The following KIRREL3 variants were observed in gnomAD, a reference collection of about 807,000 sequenced individuals.
KIRREL3 encodes kirre like nephrin family adhesion molecule 3.
Under a neutral mutation model 89.7 loss-of-function variants are expected in KIRREL3, and 36 were observed. The ratio of observed to expected loss-of-function variants is 0.40; its 90% CI spans 0.31 to 0.53. KIRREL3 has a LOEUF of 0.53. Ranked by LOEUF, KIRREL3 falls within the 20% of genes least tolerant of loss-of-function variation. The probability of loss-of-function intolerance (pLI) is 0.49; values close to 1 mark genes in which losing one functional copy is unlikely to be tolerated. For synonymous variants in KIRREL3, 445 were observed against 441.4 expected, an observed-to-expected ratio of 1.01 and a Z score of -0.10; for missense variants, 864 against 1,056.6, an observed-to-expected ratio of 0.82 and a Z score of 2.53.
chr11:126,826,875 G>C (rs558984937), intron 1 of KIRREL3, among the ~76,000 whole-genome samples: 3 of 152,188 alleles, frequency 2.0e-5, no homozygotes, highest in Non-Finnish European at 2.9e-5. Context: ...TTTAATTTCT[G>C]ACTCTAGAGT....
chr11:126,451,933 C>G (rs371660250), intron 7 of KIRREL3, among the ~76,000 whole-genome samples: 5 of 152,148 alleles, frequency 3.3e-5, no homozygotes, highest in Non-Finnish European at 5.9e-5. Flanking sequence ...ACCCCACAGC[C>G]ACTGCTCCCT....
chr11:126,464,560 A>G (rs77230366), intron 5 of KIRREL3, among the ~76,000 whole-genome samples: 2 of 116,408 alleles, frequency 1.7e-5, no homozygotes, highest in Admixed American at 8.7e-5. Context: ...AAAGAAAAAG[A>G]AGAAGGAGAA....
rs1795706547 is a variant in KIRREL3 at position 126,987,401 on chromosome 11, T to C, written c.55+13054A>G. Among the ~76,000 whole-genome samples, 1 of 152,234 alleles carries C rather than the reference T, an allele frequency of 6.6e-6. No individual in the cohort carries two copies. Among genetic ancestry groups the C allele is most frequent in the African/African-American group, 2.4e-5 (1 of 41,466 alleles). ...ATGGCATGGATCTTAGAATATCTGTTGATAATAAGAGTGAAAGGTAGATTT... is the reference window on the plus strand; with the variant it reads ...ATGGCATGGATCTTAGAATATCTGTCGATAATAAGAGTGAAAGGTAGATTT... On this transcript the variant is annotated intron_variant, in intron 1 of 16. Transcript: ENST00000525144. This position sits in a 1 kb window ranked among gnomAD's most constrained non-coding sequence, Gnocchi z 4.6.
intron 1 of KIRREL3, among the ~76,000 whole-genome samples, chr11:126,894,571 GGA>G (rs1946070041): frequency 2.5e-5 from 2 of 78,948 alleles, no homozygotes; most frequent in African/African-American, 5.0e-5. Context: ...AAAAAAAAAA[GGA>G]AAAGAAAGAA....
At chr11:126,438,227 T>C (rs959634441) in intron 11 of KIRREL3, among the ~76,000 whole-genome samples, 8 of 152,250 alleles carry the variant, frequency 5.3e-5, no homozygotes, top group Admixed American at 3.9e-4. Context: ...TATGTCTGTG[T>C]GAGAAATGTG....
rs1163941279 is a variant in KIRREL3 at position 126,924,014 on chromosome 11, C to T, written c.55+76441G>A. Among the ~76,000 whole-genome samples, 3 of 152,208 alleles carry T rather than the reference C, an allele frequency of 2.0e-5. No homozygotes were observed. The highest frequency in any genetic ancestry group is 7.2e-5 in the African/African-American group (3 of 41,462). On this transcript the variant is annotated intron_variant, in intron 1 of 16. Transcript: ENST00000525144. This position sits in a 1 kb window ranked among gnomAD's most constrained non-coding sequence, Gnocchi z 4.7. The stretch of plus-strand genomic sequence containing the variant: ...GCTAGAGCATCATCCAAGGCTTCCC[C>T]ATTTCCCTTAGCCCCTATGACCAGT...
At chr11:126,851,555 C>T (rs569470427) in intron 1 of KIRREL3, among the ~76,000 whole-genome samples, 2 of 152,294 alleles carry the variant, frequency 1.3e-5, no homozygotes, top group Admixed American at 6.5e-5. Context: ...CGCCACACAG[C>T]GTGTTTCAGA....
intron 12 of KIRREL3, among the ~76,000 whole-genome samples, chr11:126,435,833 G>C (rs1334099691): frequency 6.6e-6 from 1 of 152,138 alleles, no homozygotes; most frequent in Non-Finnish European, 1.5e-5. Context: ...CCTGCGAATG[G>C]ACCTTTACCT....
intron 1 of KIRREL3, among the ~76,000 whole-genome samples, chr11:126,853,357 T>G (rs1366532442): frequency 6.6e-6 from 1 of 152,240 alleles, no homozygotes; most frequent in Non-Finnish European, 1.5e-5. Flanking sequence ...TGGAGTTATC[T>G]TGTGGCCATA....
Position 126,564,461 on chromosome 11 carries a change from C to T in KIRREL3, c.56-1549G>A, listed in dbSNP as rs1369560506. On this transcript the variant is annotated intron_variant, in intron 1 of 16. Coordinates refer to ENST00000525144, the MANE Select transcript of KIRREL3 (RefSeq NM_032531.4). This position sits in a 1 kb window ranked among gnomAD's most constrained non-coding sequence, Gnocchi z 7.4. ...GGTCCCTGGCTTTGATCTCCTGATT[C>T]TTTAAAGGGGTTTATTGACTATCAG... is the stretch of plus-strand genomic sequence containing the variant. 6.6e-6 allele frequency among the ~76,000 whole-genome samples: 1 copy of T among 152,132 alleles called. No individual in the cohort carries two copies. The highest frequency in any genetic ancestry group is 1.5e-5 in the Non-Finnish European group (1 of 68,028).
chr11:126,464,402 G>A (rs955966932), intron 5 of KIRREL3, among the ~76,000 whole-genome samples: 2 of 151,126 alleles, frequency 1.3e-5, no homozygotes, highest in Non-Finnish European at 2.9e-5. Context: ...ATGGTGGCTT[G>A]TGCCTGTAGT....
In KIRREL3 at chr11:126,522,524, C is replaced by G. The variant is rs1358958090; in HGVS notation, c.284-1060G>C. Among the ~76,000 whole-genome samples, 1 of 152,124 alleles carries G rather than the reference C, an allele frequency of 6.6e-6. No individual in the cohort carries two copies. The highest frequency in any genetic ancestry group is 2.1e-4 in the South Asian group (1 of 4,814). ...GCTCAGGACGCTTAAGAATTGGGGG[C>G]CCCTTGTACCATGGGCAATGAATAA... On this transcript the variant is annotated intron_variant, in intron 3 of 16. Transcript: ENST00000525144. The surrounding 1 kb of genome is among the most constrained non-coding windows in gnomAD (Gnocchi z 6.0).
chr11:126,577,338 CA>C (rs1261430817), intron 1 of KIRREL3, among the ~76,000 whole-genome samples: 1 of 151,962 alleles, frequency 6.6e-6, no homozygotes, highest in Non-Finnish European at 1.5e-5. Flanking sequence ...GGGGCAGAGA[CA>C]AAACCCAGGG....
chr11:126,483,488 C>T (rs1297440739), intron 4 of KIRREL3, among the ~76,000 whole-genome samples: 1 of 152,222 alleles, frequency 6.6e-6, no homozygotes, highest in African/African-American at 2.4e-5. Context: ...CAGTAGTCCC[C>T]TGCTGTTTGA....
At chr11:126,507,231 T>G (rs1043868275) in intron 4 of KIRREL3, among the ~76,000 whole-genome samples, 1 of 151,904 alleles carries the variant, frequency 6.6e-6, no homozygotes, top group African/African-American at 2.4e-5. Context: ...CAAGGGATCG[T>G]TTTAGGGTGA....
rs1419793598 is a variant in KIRREL3 at position 126,544,521 on chromosome 11, G to A, written c.134-17834C>T. On this transcript the variant is annotated intron_variant, in intron 2 of 16. Transcript: ENST00000525144. This position sits in a 1 kb window ranked among gnomAD's most constrained non-coding sequence, Gnocchi z 5.6. ...ATTGCAGGATGATAGGTCTGGGACT[G>A]GGGGTGGGACTGCCCGGGGCTACCT... 6.6e-6 allele frequency among the ~76,000 whole-genome samples: 1 copy of A among 152,174 alleles called. No homozygotes were observed. The highest frequency in any genetic ancestry group is 1.9e-4 in the East Asian group (1 of 5,196).
intron 1 of KIRREL3, among the ~76,000 whole-genome samples, chr11:126,984,742 A>T (rs1367922979): frequency 6.6e-6 from 1 of 152,136 alleles, no homozygotes; most frequent in Admixed American, 6.5e-5. Flanking sequence ...CTGCCTCTCA[A>T]TGAAGTATTC....
intron 1 of KIRREL3, among the ~76,000 whole-genome samples, chr11:126,839,313 T>C (rs1464666041): frequency 1.3e-5 from 2 of 152,196 alleles, no homozygotes; most frequent in African/African-American, 4.8e-5. Flanking sequence ...TAAGACACCC[T>C]ATGAGGCTGC....
At chr11:126,460,825 A>C (rs1365967103) in intron 6 of KIRREL3, among the ~76,000 whole-genome samples, 1 of 151,912 alleles carries the variant, frequency 6.6e-6, no homozygotes, top group Non-Finnish European at 1.5e-5. Flanking sequence ...GCTTCTTCCC[A>C]CCTCTCCCTG....
Sources: allele counts gnomAD v4.1 joint callset (sites outside exome capture counted in the v4.1 genomes callset), GRCh38; gene constraint gnomAD v4.1.1; non-coding constraint Gnocchi (gnomAD v3.1); transcripts MANE v1.5; gene names NCBI Gene and HGNC (gene_info 2026-07-23, HGNC 2026-07-21).